Variants in OR1J2 observed in about 807,000 individuals in gnomAD.
OR1J2 encodes the protein olfactory receptor 1J2.
For missense variants in OR1J2, 304 were observed against 246.1 expected, an observed-to-expected ratio of 1.24 and a Z score of -1.57; for synonymous variants, 142 against 99.7, an observed-to-expected ratio of 1.42 and a Z score of -2.52.
At chr9:122,515,010 T>C (rs942855253), downstream of OR1J2, among the ~76,000 whole-genome samples, 5 of 152,168 alleles carry the variant, frequency 3.3e-5, no homozygotes, top group African/African-American at 1.2e-4. Flanking sequence ...CCCGAGGGCA[T>C]CTCTCCTGGG....
At chr9:122,572,082 G>C in the OR1J2 span, among the ~76,000 whole-genome samples, 1 of 152,092 alleles carries the variant, frequency 6.6e-6, no homozygotes, top group South Asian at 2.1e-4. Flanking sequence ...AACAGAGGTG[G>C]GGGGAGGCGC....
At chr9:122,479,814 A>G in the OR1J2 span, among the ~76,000 whole-genome samples, 3 of 152,198 alleles carry the variant, frequency 2.0e-5, no homozygotes, top group Non-Finnish European at 4.4e-5. Context: ...TAACCAACTA[A>G]TGCATACTCT....
At chr9:122,520,029 A>C in the OR1J2 span, 1 of 1,614,220 alleles carries the variant, frequency 6.2e-7, no homozygotes, top group Non-Finnish European at 8.5e-7. Context: ...GAACAGGGAC[A>C]TAAAGGGAGC....
the OR1J2 span, among the ~76,000 whole-genome samples, chr9:122,544,728 G>A: frequency 2.0e-5 from 3 of 152,064 alleles, no homozygotes; most frequent in Non-Finnish European, 4.4e-5. Flanking sequence ...AAACCTGTAT[G>A]GACAACCTTG....
the OR1J2 span, among the ~76,000 whole-genome samples, chr9:122,467,931 G>A: frequency 6.6e-6 from 1 of 152,152 alleles, no homozygotes; most frequent in African/African-American, 2.4e-5. Context: ...CATTATTCCA[G>A]GGGATCAAGC....
chr9:122,477,304 A>G, the OR1J2 span: 1 of 1,614,232 alleles, frequency 6.2e-7, no homozygotes, highest in Non-Finnish European at 8.5e-7. Context: ...GAATGGAAGC[A>G]TAATGGCTGT....
chr9:122,503,016 A>G, the OR1J2 span, among the ~76,000 whole-genome samples: 370 of 152,340 alleles, frequency 2.4e-3, no homozygotes, highest in Non-Finnish European at 3.8e-3. Flanking sequence ...GAGATCATCT[A>G]CAGGTGGTTG....
At chr9:122,464,952 G>A in the OR1J2 span, among the ~76,000 whole-genome samples, 1 of 152,022 alleles carries the variant, frequency 6.6e-6, no homozygotes, top group Non-Finnish European at 1.5e-5. Flanking sequence ...GTTTTGTTCT[G>A]ACTTGTTTGT....
At chr9:122,475,271 T>G in the OR1J2 span, 1 of 152,234 alleles carries the variant, frequency 6.6e-6, no homozygotes, top group African/African-American at 2.4e-5. Context: ...TACCAGGTAC[T>G]GGGATCCCCA....
chr9:122,557,210 A>G, the OR1J2 span, among the ~76,000 whole-genome samples: 242 of 152,190 alleles, frequency 1.6e-3, 1 homozygote, highest in African/African-American at 5.7e-3. Flanking sequence ...GAATCTGTAT[A>G]CTTTTCATTT....
At chr9:122,460,048 G>T in the OR1J2 span, among the ~76,000 whole-genome samples, 4 of 152,150 alleles carry the variant, frequency 2.6e-5, no homozygotes, top group South Asian at 8.3e-4. Context: ...TACGATGTTT[G>T]GTTTTCCATT....
At chr9:122,490,430 C>T in the OR1J2 span, among the ~76,000 whole-genome samples, 1 of 152,138 alleles carries the variant, frequency 6.6e-6, no homozygotes, top group Non-Finnish European at 1.5e-5. Flanking sequence ...TCTGCATTGC[C>T]ATTTACGTGG....
At chr9:122,577,244 G>A in the OR1J2 span, among the ~76,000 whole-genome samples, 2 of 151,882 alleles carry the variant, frequency 1.3e-5, no homozygotes, top group African/African-American at 2.4e-5. Flanking sequence ...TTAGTCTTTC[G>A]GTATAAGCCC....
the OR1J2 span, among the ~76,000 whole-genome samples, chr9:122,574,610 A>G: frequency 6.8e-6 from 1 of 146,340 alleles, no homozygotes; most frequent in East Asian, 2.0e-4. Flanking sequence ...TGGATTTTCT[A>G]TATAGACAAT....
chr9:122,485,464 G>A, the OR1J2 span, among the ~76,000 whole-genome samples: 3 of 152,128 alleles, frequency 2.0e-5, no homozygotes, highest in East Asian at 1.9e-4. Flanking sequence ...GATTATCTGG[G>A]TTAGTTTTGT....
the OR1J2 span, among the ~76,000 whole-genome samples, chr9:122,503,439 C>G: frequency 2.0e-5 from 3 of 152,210 alleles, no homozygotes; most frequent in Non-Finnish European, 2.9e-5. Flanking sequence ...GAGAGGAAGT[C>G]CATGCTGTTG....
chr9:122,573,326 C>T, the OR1J2 span, among the ~76,000 whole-genome samples: 1 of 152,250 alleles, frequency 6.6e-6, no homozygotes, highest in African/African-American at 2.4e-5. Flanking sequence ...CTTAACTTCA[C>T]TGCAATATCC....
chr9:122,487,458 AACACACACACACACAC>A, the OR1J2 span, among the ~76,000 whole-genome samples: 1 of 148,980 alleles, frequency 6.7e-6, no homozygotes, highest in Non-Finnish European at 1.5e-5. Flanking sequence ...GGAGATGATT[AACACACACACACACAC>A]ACACACACAC....
At chr9:122,540,836 C>T in the OR1J2 span, among the ~76,000 whole-genome samples, 1 of 152,238 alleles carries the variant, frequency 6.6e-6, no homozygotes, top group East Asian at 1.9e-4. Flanking sequence ...CTTCACATCC[C>T]TTGTAAGTTG....
Sources: gnomAD v4.1 joint callset for allele counts (sites outside exome capture counted in the v4.1 genomes callset) on GRCh38, gnomAD v4.1.1 for gene constraint, MANE v1.5 for transcripts, NCBI Gene and HGNC (gene_info 2026-07-23, HGNC 2026-07-21) for gene names.